IMPA1: variants seen among roughly 807,000 people sequenced by gnomAD.
IMPA1 encodes the protein inositol monophosphatase 1, also known as D-galactose 1-phosphate phosphatase.
Under a neutral mutation model 34.9 loss-of-function variants are expected in IMPA1, and 21 were observed. The observed-to-expected ratio is 0.60, with a 90% CI of 0.43 to 0.87. IMPA1 has a LOEUF of 0.87. Ranked by LOEUF, IMPA1 falls within the 40% of genes least tolerant of loss-of-function variation. The pLI is 0.00. For synonymous variants in IMPA1, 95 were observed against 104.4 expected, an observed-to-expected ratio of 0.91 and a Z score of 0.55; for missense variants, 299 against 336.4, an observed-to-expected ratio of 0.89 and a Z score of 0.87.
intron 6 of IMPA1, among the ~76,000 whole-genome samples, chr8:81,673,464 G>A (rs747719343): frequency 3.9e-5 from 6 of 152,072 alleles, no homozygotes; most frequent in Non-Finnish European, 7.3e-5. Flanking sequence ...AAAGGAAGCC[G>A]TACCCCAACC....
At chr8:81,669,311 T>A (rs778234490) in intron 7 of IMPA1, among the ~76,000 whole-genome samples, 16 of 152,222 alleles carry the variant, frequency 1.1e-4, no homozygotes, top group Admixed American at 3.9e-4. Flanking sequence ...GCATGCAAGG[T>A]ACACCTTGGA....
chr8:81,664,713 A>G (rs1806771500), intron 7 of IMPA1, among the ~76,000 whole-genome samples: 1 of 151,644 alleles, frequency 6.6e-6, no homozygotes, highest in Non-Finnish European at 1.5e-5. Flanking sequence ...AAAAGTAGGA[A>G]CTAAGGGGTG....
chr8:81,673,772 G>T, intron 6 of IMPA1, 69 bp downstream of exon 6: 1 of 863,490 alleles, frequency 1.2e-6, no homozygotes, highest in South Asian at 1.4e-5. Context: ...TTCCATAGGT[G>T]AATATTAAAA....
chr8:81,685,636 CTATA>C lies in IMPA1; in HGVS notation c.-25+612_-25+615del, dbSNP rs943686689. On this transcript the variant is annotated intron_variant, in intron 1 of 8. Transcript: ENST00000256108. The stretch of plus-strand genomic sequence containing the variant: ...TACTATACATAAGTATATTTATGTA[CTATA>C]TATAAAGTATATAAGTACATTTTAT... 41 of 290,718 alleles carry C rather than the reference CTATA, an allele frequency of 1.4e-4. No individual in the cohort carries two copies. In the East Asian group the frequency reaches 2.1e-3, roughly 15 times the overall value. The allele number at this position is 290,718 out of a possible 1,614,324, so 18.0% of individuals were successfully genotyped here.
rs1585885875 is a variant in IMPA1 at position 81,659,297 on chromosome 8, T to A, written c.*54A>T. ...TACATCCAAAACACATATCCATTGA[T>A]GAGTCACCAAATCTGGGGAAAAGCA... is the stretch of plus-strand genomic sequence containing the variant. On this transcript the variant is annotated 3_prime_UTR_variant, in exon 9 of 9. Transcript: ENST00000256108. 1.1e-6 allele frequency: 1 copy of A among 933,922 alleles called. No homozygotes were observed. The highest frequency in any genetic ancestry group is 2.4e-5 in the East Asian group (1 of 41,792). 57.9% of individuals were successfully genotyped at this position (933,922 alleles called of 1,614,324 possible).
intron 1 of IMPA1, chr8:81,685,642 A>G (rs976415074): frequency 1.9e-5 from 6 of 323,744 alleles, no homozygotes; most frequent in Non-Finnish European, 2.4e-5. Context: ...TGTACTATAT[A>G]TAAAGTATAT....
At chr8:81,674,196 C>T (rs917471134) in intron 5 of IMPA1, 6 of 378,680 alleles carry the variant, frequency 1.6e-5, no homozygotes, top group African/African-American at 1.2e-4. Context: ...CTTCCTCCTG[C>T]TTCGGAAGAC....
rs147244688 is a variant in IMPA1 at position 81,663,752 on chromosome 8, T to C, written c.567-3085A>G. Among the ~76,000 whole-genome samples the C allele has an allele frequency of 1.3e-3, 195 of 152,308 alleles. 1 individual carries two copies. The highest frequency in any genetic ancestry group is 2.0e-3 in the Admixed American group (31 of 15,298). ...AACAACTATGGTCAAAGAAATACTA[T>C]TTAATGGCGGGGCGCAGTGGCTCAG... On this transcript the variant is annotated intron_variant, in intron 7 of 8. Coordinates refer to ENST00000256108, the MANE Select transcript of IMPA1 (RefSeq NM_005536.4).
At chr8:81,678,866 C>A (rs979916651) in intron 4 of IMPA1, among the ~76,000 whole-genome samples, 6 of 152,226 alleles carry the variant, frequency 3.9e-5, no homozygotes, top group African/African-American at 1.4e-4. Flanking sequence ...ATAGTGCCAA[C>A]AGTGGGAAAA....
intron 7 of IMPA1, among the ~76,000 whole-genome samples, chr8:81,663,081 A>G (rs1806724765): frequency 3.3e-5 from 5 of 152,370 alleles, no homozygotes; most frequent in Admixed American, 3.3e-4. Flanking sequence ...TCAGTAAGTC[A>G]GTACTTCTTA....
At chr8:81,680,559 C>A in intron 3 of IMPA1, 91 bp downstream of exon 3, 1 of 954,284 alleles carries the variant, frequency 1.0e-6, no homozygotes, top group East Asian at 2.6e-5. Context: ...AAGACCTTGG[C>A]AAGAACCGTG....
In IMPA1 at chr8:81,670,998, T is replaced by G; in HGVS notation, c.507A>C (p.Pro169=). ...TAGAAAGAACCATTCTCACAGTCTC[T>G]GGTGTTCTGGAAGAGCCCAACTCAG... ...LVTELGSSRT[P]ETVRMVLSNM... The change falls in exon 7 of 9, where the codon CCA becomes CCC. Residue 169 remains proline (P), a synonymous_variant. Transcript: ENST00000256108. 2.6e-6 allele frequency: 4 copies of G among 1,533,488 alleles called. No homozygotes were observed. Among genetic ancestry groups the G allele is most frequent in the Non-Finnish European group, 3.5e-6 (4 of 1,152,132 alleles). 95.0% of individuals were successfully genotyped at this position (1,533,488 alleles called of 1,614,324 possible). A position where few individuals can be genotyped will look rare whatever the true frequency, so the allele number is the denominator to read the frequency against.
At chr8:81,661,042 G>A (rs1256455344) in intron 7 of IMPA1, among the ~76,000 whole-genome samples, 1 of 152,008 alleles carries the variant, frequency 6.6e-6, no homozygotes, top group African/African-American at 2.4e-5. Context: ...AATGCAAATA[G>A]TCTCTAGGAG....
intron 1 of IMPA1, among the ~76,000 whole-genome samples, chr8:81,685,233 T>TTAGATACTATATATACTATACATAAGTA (rs532074419): frequency 9.3e-6 from 1 of 106,996 alleles, no homozygotes; most frequent in Non-Finnish European, 1.8e-5. Flanking sequence ...ATAAGTATAT[T>TTAGATACTATATATACTATACATAAGTA]TAGATACTAT....
intron 3 of IMPA1, among the ~76,000 whole-genome samples, chr8:81,680,133 T>TA (rs60772020): frequency 2.2e-3 from 288 of 132,132 alleles, no homozygotes; most frequent in South Asian, 2.4e-3. Context: ...TGTCTCCGTC[T>TA]AAAAAAAAAA....
intron 3 of IMPA1, among the ~76,000 whole-genome samples, chr8:81,679,632 T>C (rs987329272): frequency 1.5e-5 from 2 of 132,874 alleles, no homozygotes; most frequent in South Asian, 4.7e-4. Flanking sequence ...AAAAAAAAAA[T>C]AGCAAAAGTC....
At chr8:81,668,663 C>A (rs548299956) in intron 7 of IMPA1, among the ~76,000 whole-genome samples, 2 of 152,240 alleles carry the variant, frequency 1.3e-5, no homozygotes, top group East Asian at 3.9e-4. Context: ...GAAAACTCAG[C>A]CTGGCCAAGA....
chr8:81,664,873 CA>C (rs1333424830), intron 7 of IMPA1, among the ~76,000 whole-genome samples: 1 of 113,192 alleles, frequency 8.8e-6, no homozygotes, highest in Admixed American at 9.0e-5. Flanking sequence ...ATAATAATAA[CA>C]AAAAAAAGAA....
At chr8:81,676,815 C>A (rs1159684867) in intron 4 of IMPA1, among the ~76,000 whole-genome samples, 2 of 152,018 alleles carry the variant, frequency 1.3e-5, no homozygotes, top group African/African-American at 4.8e-5. Context: ...ATGGCAAGAT[C>A]CTGTTTCTAC....
Sources: gnomAD v4.1 joint callset for allele counts (sites outside exome capture counted in the v4.1 genomes callset) on GRCh38, gnomAD v4.1.1 for gene constraint, MANE v1.5 for transcripts, NCBI Gene and HGNC (gene_info 2026-07-23, HGNC 2026-07-21) for gene names.